Variants in MAP3K7 observed in about 807,000 individuals in gnomAD.
MAP3K7 encodes the protein mitogen-activated protein kinase kinase kinase 7, also known as TGF-beta activated kinase 1.
Under a neutral mutation model 84.8 loss-of-function variants are expected in MAP3K7, and 21 were observed. That is an observed-to-expected ratio of 0.25 (90% CI 0.18 to 0.36). The LOEUF (loss-of-function observed/expected upper bound fraction) is 0.36, where lower values mean the gene tolerates loss of function less well. Ranked by LOEUF, MAP3K7 falls within the 10% of genes least tolerant of loss-of-function variation. The probability of loss-of-function intolerance (pLI) is 1.00; values close to 1 mark genes in which losing one functional copy is unlikely to be tolerated. For missense variants in MAP3K7, 503 were observed against 747.7 expected (o/e 0.67, Z 3.82); for synonymous variants, 241 against 247.7 (o/e 0.97, Z 0.25).
chr6:90,565,127 C>A (rs1224338477), intron 3 of MAP3K7, among the ~76,000 whole-genome samples: 1 of 151,834 alleles, frequency 6.6e-6, no homozygotes, highest in Admixed American at 6.6e-5. Flanking sequence ...AAATTGACAC[C>A]CTAACATCAC....
intron 1 of MAP3K7, among the ~76,000 whole-genome samples, chr6:90,585,145 AG>A (rs771547335): frequency 2.6e-5 from 4 of 152,296 alleles, no homozygotes; most frequent in Non-Finnish European, 5.9e-5. Context: ...GCCCTTTCTT[AG>A]AGTAAACTAA....
chr6:90,548,066 T>G lies in MAP3K7; in HGVS notation c.1061A>C (p.Lys354Thr). 6.2e-7 allele frequency: 1 copy of G among 1,611,084 alleles called. No homozygotes were observed. The highest frequency in any genetic ancestry group is 8.5e-7 in the Non-Finnish European group (1 of 1,178,750). The change falls in exon 10 of 17, where the codon AAA (lysine) becomes ACA (threonine). Residue 354 changes from lysine to threonine, a missense_variant. Lys to Thr is a moderately conservative substitution (Grantham distance 78). Around this residue, in one of 5 missense-constraint regions of MAP3K7, gnomAD observed 286 missense variants for 313.6 expected, o/e 0.91. Coordinates refer to ENST00000369329, the MANE Select transcript of MAP3K7 (RefSeq NM_145331.3). ...TIKRLESKLL[K>T]NQAKQQSESG... is the part of the protein sequence containing the mutation. ...ACAAACCTGTTGCTTTGCCTGATTT[T>G]TCAACAATTTTGATTCTAAGCGCTT...
chr6:90,580,358 A>G (rs1777229287), intron 1 of MAP3K7, among the ~76,000 whole-genome samples: 2 of 152,354 alleles, frequency 1.3e-5, no homozygotes, highest in East Asian at 1.9e-4. Context: ...CCACTGAAAG[A>G]AGGCCACTTT....
rs1777491696 is a variant in MAP3K7, at chr6:90,587,069, C to T, written c.-186G>A. The T allele has an allele frequency of 1.6e-6, 1 of 612,426 alleles. No individual in the cohort carries two copies. The highest frequency in any genetic ancestry group is 2.5e-6 in the Non-Finnish European group (1 of 395,014). The allele number at this position is 612,426 out of a possible 1,614,324, so 37.9% of individuals were successfully genotyped here. ...CCGGCTCTGGCTCCGCTGCGTTTTCCGCCGACGGGCCCCGCCCACTACACT... is the reference window on the plus strand; with the variant it reads ...CCGGCTCTGGCTCCGCTGCGTTTTCTGCCGACGGGCCCCGCCCACTACACT... On this transcript the variant is annotated 5_prime_UTR_variant, in exon 1 of 17. Coordinates refer to ENST00000369329, the MANE Select transcript of MAP3K7 (RefSeq NM_145331.3).
rs745904889 is a variant in MAP3K7, at chr6:90,516,683, TACAA to T, written c.1641-6_1641-3del. 3.8e-6 allele frequency: 6 copies of T among 1,592,824 alleles called. No homozygotes were observed. In the South Asian group the frequency reaches 6.9e-5, roughly 18 times the overall value. On this transcript the variant is annotated splice_polypyrimidine_tract_variant and splice_region_variant and intron_variant, in intron 16 of 16. Coordinates refer to ENST00000369329, the MANE Select transcript of MAP3K7 (RefSeq NM_145331.3). ...TCCAGTTCTGCAACTAGTTCTTGCCTACAAACAAATACCACATAATATTACACAT... is the reference window on the plus strand; with the variant it reads ...TCCAGTTCTGCAACTAGTTCTTGCCTACAAATACCACATAATATTACACAT...
intron 1 of MAP3K7, among the ~76,000 whole-genome samples, chr6:90,577,715 C>T (rs750013662): frequency 1.4e-4 from 21 of 152,152 alleles, no homozygotes; most frequent in African/African-American, 3.6e-4. Flanking sequence ...GTGTGGTCTC[C>T]GGTTCAGCAG....
chr6:90,544,816 A>G (rs1295619133), intron 11 of MAP3K7, among the ~76,000 whole-genome samples, 184 bp from the exon 12 acceptor site: 1 of 152,118 alleles, frequency 6.6e-6, no homozygotes, highest in Non-Finnish European at 1.5e-5. Context: ...AAGAGCAAAC[A>G]ACTACCAAAT....
chr6:90,534,438 C>A (rs1187410000), intron 13 of MAP3K7, among the ~76,000 whole-genome samples: 1 of 152,130 alleles, frequency 6.6e-6, no homozygotes, highest in African/African-American at 2.4e-5. Flanking sequence ...AATGTGGCTA[C>A]ACAATGGTCA....
intron 1 of MAP3K7, among the ~76,000 whole-genome samples, chr6:90,580,359 A>G (rs1777229396): frequency 6.6e-6 from 1 of 152,262 alleles, no homozygotes; most frequent in Non-Finnish European, 1.5e-5. Flanking sequence ...CACTGAAAGA[A>G]GGCCACTTTT....
chr6:90,586,173 C>T (rs1360409249), intron 1 of MAP3K7, among the ~76,000 whole-genome samples: 2 of 151,672 alleles, frequency 1.3e-5, no homozygotes, highest in Non-Finnish European at 2.9e-5. Flanking sequence ...GAGATCGAGA[C>T]CATCCTGGCT....
intron 8 of MAP3K7, 103 bp downstream of exon 8, chr6:90,551,946 T>C (rs1776191593): frequency 7.8e-7 from 1 of 1,285,368 alleles, no homozygotes; most frequent in Non-Finnish European, 1.1e-6. Context: ...CATAGCAATA[T>C]ATAAAGCAGA....
chr6:90,535,855 T>A (rs1775652810), intron 13 of MAP3K7, among the ~76,000 whole-genome samples: 1 of 152,134 alleles, frequency 6.6e-6, no homozygotes, highest in South Asian at 2.1e-4. Context: ...TTAAGGATAT[T>A]TGAAAAAAAT....
intron 14 of MAP3K7, among the ~76,000 whole-genome samples, chr6:90,523,308 C>T (rs1276975827): frequency 2.0e-5 from 3 of 151,514 alleles, no homozygotes; most frequent in African/African-American, 4.9e-5. Context: ...ATGATTTTTA[C>T]CATTCTCCGA....
At chr6:90,517,909 G>A (rs157703) in intron 16 of MAP3K7, among the ~76,000 whole-genome samples, 106,509 of 151,496 alleles carry the variant, frequency 0.7, 37,767 homozygotes, top group Middle Eastern at 0.8. Context: ...AAATTTCATG[G>A]AGGTCATGCT....
At chr6:90,549,611 G>C (rs1229129790) in intron 9 of MAP3K7, among the ~76,000 whole-genome samples, 1 of 152,148 alleles carries the variant, frequency 6.6e-6, no homozygotes, top group Admixed American at 6.6e-5. Context: ...AGAGGACTGA[G>C]GACCAGTGAA....
chr6:90,544,966 G>A (rs1455728544), intron 11 of MAP3K7, among the ~76,000 whole-genome samples: 2 of 152,090 alleles, frequency 1.3e-5, no homozygotes, highest in South Asian at 4.1e-4. Context: ...GATCTGTGAT[G>A]GGGGTGGGGG....
chr6:90,564,618 T>C (rs185875268), intron 3 of MAP3K7, among the ~76,000 whole-genome samples: 61 of 152,192 alleles, frequency 4.0e-4, no homozygotes, highest in African/African-American at 1.1e-3. Flanking sequence ...TACAATAATA[T>C]TGGGAGGCTT....
At chr6:90,535,027 A>C (rs962532915) in intron 13 of MAP3K7, among the ~76,000 whole-genome samples, 1 of 152,168 alleles carries the variant, frequency 6.6e-6, no homozygotes, top group South Asian at 2.1e-4. Flanking sequence ...ACTGAAAAAA[A>C]CTATCACTAA....
chr6:90,581,252 T>G (rs1777260582), intron 1 of MAP3K7, among the ~76,000 whole-genome samples: 1 of 152,214 alleles, frequency 6.6e-6, no homozygotes, highest in Admixed American at 6.5e-5. Context: ...ATTAAATAAT[T>G]CTTTTAATTG....
Sources: allele counts gnomAD v4.1 joint callset (sites outside exome capture counted in the v4.1 genomes callset), GRCh38; gene constraint gnomAD v4.1.1; regional missense constraint gnomAD v4.1.1; transcripts MANE v1.5; gene names NCBI Gene and HGNC (gene_info 2026-07-23, HGNC 2026-07-21).